SPIRE1: variants seen among roughly 807,000 people sequenced by gnomAD.
SPIRE1 encodes spire type actin nucleation factor 1.
A neutral mutation model predicts 94.1 loss-of-function variants in SPIRE1; 40 were observed. The observed-to-expected ratio is 0.43, with a 90% CI of 0.33 to 0.55. SPIRE1 has a LOEUF of 0.55. SPIRE1 is among the 20% of genes least tolerant of loss of function. The pLI, the probability that SPIRE1 is intolerant of heterozygous loss-of-function variation, is 0.06. For missense variants in SPIRE1, 838 were observed against 975.2 expected (o/e 0.86, Z 1.87); for synonymous variants, 376 against 371.7 (o/e 1.01, Z -0.13).
At chr18:12,531,785 C>G (rs2034689694) in intron 4 of SPIRE1, among the ~76,000 whole-genome samples, 1 of 152,076 alleles carries the variant, frequency 6.6e-6, no homozygotes, top group South Asian at 2.1e-4. Context: ...AAAAAATTAC[C>G]TGGACCACAA....
At chr18:12,581,015 T>C (rs1385849730) in intron 2 of SPIRE1, among the ~76,000 whole-genome samples, 1 of 152,214 alleles carries the variant, frequency 6.6e-6, no homozygotes, top group East Asian at 1.9e-4. Flanking sequence ...TATGTATTAT[T>C]AGGTCTGCCT....
chr18:12,518,174 C>T (rs907824715), intron 4 of SPIRE1, among the ~76,000 whole-genome samples: 7 of 152,098 alleles, frequency 4.6e-5, no homozygotes, highest in East Asian at 3.9e-4. Context: ...CCACACCTGG[C>T]TAATTTTTGT....
chr18:12,506,626 G>A lies in SPIRE1; in HGVS notation c.823C>T (p.Gln275Ter). The A allele has an allele frequency of 6.2e-7, 1 of 1,614,056 alleles. No individual in the cohort carries two copies. The highest frequency in any genetic ancestry group is 1.1e-5 in the South Asian group (1 of 91,068). The change falls in exon 6 of 17, where the codon CAG (glutamine) becomes TAG (stop). Residue 275 changes from glutamine (Q) to a stop codon, truncating the protein, a stop_gained. Transcript: ENST00000409402. LOFTEE classifies it high-confidence loss of function. ...CCATTCCTCAAATCCCTCATCACCTGTACCCAGAATCGTGCCTGAAAGAAC... is the reference window on the plus strand; with the variant it reads ...CCATTCCTCAAATCCCTCATCACCTATACCCAGAATCGTGCCTGAAAGAAC... ...KNADWARFWV[Q>*]VMRDLRNGVK...
At chr18:12,460,993 G>C (rs1486347593) in intron 12 of SPIRE1, among the ~76,000 whole-genome samples, 1 of 152,102 alleles carries the variant, frequency 6.6e-6, no homozygotes, top group East Asian at 1.9e-4. Flanking sequence ...ACTGTTCAGT[G>C]CTGAGCAGAG....
chr18:12,532,143 A>G (rs1455295428), intron 4 of SPIRE1, among the ~76,000 whole-genome samples: 1 of 152,222 alleles, frequency 6.6e-6, no homozygotes, highest in Non-Finnish European at 1.5e-5. Flanking sequence ...ATGACCTTAA[A>G]GGAGTTCATT....
chr18:12,645,377 C>G (rs1370364036), intron 1 of SPIRE1, among the ~76,000 whole-genome samples: 2 of 152,160 alleles, frequency 1.3e-5, no homozygotes, highest in African/African-American at 4.8e-5. Context: ...AAACCATCAT[C>G]TATCTTCCCA....
intron 2 of SPIRE1, among the ~76,000 whole-genome samples, chr18:12,610,249 T>C (rs1272794901): frequency 6.6e-6 from 1 of 152,168 alleles, no homozygotes; most frequent in Non-Finnish European, 1.5e-5. Flanking sequence ...CCTTCCAATA[T>C]TGTGGCCTCT....
intron 10 of SPIRE1, among the ~76,000 whole-genome samples, chr18:12,472,126 T>C (rs1296652911): frequency 1.3e-5 from 2 of 152,152 alleles, no homozygotes; most frequent in Admixed American, 6.6e-5. Context: ...CTGCTATCTA[T>C]GGTCTTTGTG....
chr18:12,494,245 A>G (rs924639401), intron 7 of SPIRE1, among the ~76,000 whole-genome samples: 1 of 152,186 alleles, frequency 6.6e-6, no homozygotes, highest in Admixed American at 6.6e-5. Flanking sequence ...TTTTAAAACT[A>G]ACATTTTTTA....
rs764536309 is a variant in SPIRE1, at chr18:12,452,268, G to C, written c.1999C>G (p.Arg667Gly). Residue 667 changes from arginine (R) to glycine (G), a missense_variant, in exon 16 of 17, where the codon CGG becomes GGG. Physicochemically the swap from Arg to Gly is moderately radical, Grantham distance 125. Transcript: ENST00000409402. ...KPSTAHHRPL[R>G]SIARFSSKSK... ...CCCCTTGCTCACCTGGCAATGCTCC[G>C]AAGTGGCCGATGATGGGCAGTGGAG... is the stretch of plus-strand genomic sequence containing the variant. The C allele has an allele frequency of 2.5e-6, 4 of 1,613,814 alleles. No individual in the cohort carries two copies. The African/African-American group carries it at 5.3e-5, about 22-fold the overall frequency.
intron 12 of SPIRE1, among the ~76,000 whole-genome samples, chr18:12,461,524 G>C (rs2031838281): frequency 9.2e-6 from 1 of 108,342 alleles, no homozygotes; most frequent in African/African-American, 3.2e-5. Flanking sequence ...ATACATATGT[G>C]TGGTATGTAC....
chr18:12,657,989 C>G lies in SPIRE1; in HGVS notation c.-123G>C, dbSNP rs1039343995. The G allele has an allele frequency of 4.0e-6, 4 of 992,062 alleles. No individual in the cohort carries two copies. In the African/African-American group the frequency reaches 7.0e-5, roughly 17 times the overall value. 61.5% of individuals were successfully genotyped at this position (992,062 alleles called of 1,614,324 possible). On this transcript the variant is annotated 5_prime_UTR_variant, in exon 1 of 17. Transcript: ENST00000409402. ...GAACCGCCGCCGCCCAACGCGGCCGCGCGCGCCGCCGCCGGGACCAGGCGA... is the reference window on the plus strand; with the variant it reads ...GAACCGCCGCCGCCCAACGCGGCCGGGCGCGCCGCCGCCGGGACCAGGCGA...
intron 3 of SPIRE1, among the ~76,000 whole-genome samples, chr18:12,535,816 G>C (rs547504417): frequency 3.3e-5 from 5 of 152,070 alleles, no homozygotes; most frequent in Admixed American, 3.3e-4. Context: ...TTAGTTGGGC[G>C]TGGTGGCACA....
upstream of SPIRE1, among the ~76,000 whole-genome samples, chr18:12,661,074 G>A (rs1429509360): frequency 1.3e-5 from 2 of 152,058 alleles, no homozygotes; most frequent in Non-Finnish European, 2.9e-5. Flanking sequence ...TTGGGAGGCC[G>A]AGGCGGGCAG....
Position 12,546,863 on chromosome 18 carries a change from G to A in SPIRE1, c.414C>T (p.Asp138=). ...SLGIIIYKAL[D]YGLKENEERE... ...TTTCTTCATTCTCCTTCAAACCATA[G>A]TCCAGTGCTTTATAAATAATAATTC... Residue 138 remains aspartate (D), a synonymous_variant, in exon 3 of 17, where the codon GAC becomes GAT. Transcript: ENST00000409402. 1 of 1,613,862 alleles carries A rather than the reference G, an allele frequency of 6.2e-7. No individual in the cohort carries two copies. The highest frequency in any genetic ancestry group is 8.5e-7 in the Non-Finnish European group (1 of 1,179,950).
chr18:12,478,488 G>A (rs1368242818), intron 10 of SPIRE1, among the ~76,000 whole-genome samples: 1 of 150,702 alleles, frequency 6.6e-6, no homozygotes, highest in Non-Finnish European at 1.5e-5. Flanking sequence ...TGTAGCTAGG[G>A]GAGGTGTGTA....
At position 12,447,859 on chromosome 18, in the gene SPIRE1, CT is replaced by C. The variant is rs1350156413; in HGVS notation, c.*1778del. 6.6e-6 allele frequency: 1 copy of C among 152,120 alleles called. No individual in the cohort carries two copies. The highest frequency in any genetic ancestry group is 2.4e-5 in the African/African-American group (1 of 41,418). The allele number at this position is 152,120 out of a possible 1,614,324, so 9.4% of individuals were successfully genotyped here. On this transcript the variant is annotated 3_prime_UTR_variant, in exon 17 of 17. Transcript: ENST00000409402. Reference sequence around the variant, plus strand: ...ATACCATTTCCTTCCCCCTTGTGCCCTTCTGGGTAGTCATTTTAAAAACTCA... The same window carrying C: ...ATACCATTTCCTTCCCCCTTGTGCCCTCTGGGTAGTCATTTTAAAAACTCA...
At chr18:12,513,359 G>C (rs2034095879) in intron 4 of SPIRE1, among the ~76,000 whole-genome samples, 1 of 152,014 alleles carries the variant, frequency 6.6e-6, no homozygotes, top group Admixed American at 6.6e-5. Context: ...TTTTTGCTGA[G>C]CTATGTGCCT....
intron 2 of SPIRE1, among the ~76,000 whole-genome samples, chr18:12,550,011 CCT>C (rs1341159294): frequency 6.6e-6 from 1 of 152,196 alleles, no homozygotes; most frequent in African/African-American, 2.4e-5. Flanking sequence ...CTCTTTTCTG[CCT>C]CTCTAGGGCT....
Sources: allele counts gnomAD v4.1 joint callset (sites outside exome capture counted in the v4.1 genomes callset), GRCh38; gene constraint gnomAD v4.1.1; transcripts MANE v1.5; gene names NCBI Gene and HGNC (gene_info 2026-07-23, HGNC 2026-07-21).